Variants in TEX14 observed in about 807,000 individuals in gnomAD.
TEX14 encodes testis expressed 14, intercellular bridge forming factor.
TEX14 carries 168 observed loss-of-function variants against 178.6 expected under a neutral mutation model. The ratio of observed to expected loss-of-function variants is 0.94; its 90% CI spans 0.83 to 1.07. The LOEUF (loss-of-function observed/expected upper bound fraction) is 1.07, where lower values mean the gene tolerates loss of function less well. Among genes scored for constraint, TEX14 ranks in the 50% least tolerant of loss-of-function variants. The pLI is 0.00. For synonymous variants in TEX14, 626 were observed against 634.1 expected (o/e 0.99, Z 0.19); for missense variants, 1,730 against 1,753.6 (o/e 0.99, Z 0.24).
chr17:58,658,803 T>C (rs1305803625), intron 1 of TEX14, among the ~76,000 whole-genome samples: 1 of 152,134 alleles, frequency 6.6e-6, no homozygotes, highest in African/African-American at 2.4e-5. Flanking sequence ...CCAGGAATTT[T>C]TTTTTTTTAC....
Position 58,599,571 on chromosome 17 carries a change from G to A in TEX14, c.1774C>T (p.Gln592Ter). Residue 592 changes from glutamine (Q) to a stop codon, truncating the protein, a stop_gained, in exon 14 of 32, where the codon CAG becomes TAG. Transcript: ENST00000349033. LOFTEE classifies it high-confidence loss of function. ...PDPCLMARET[Q>*]NQDAPCPAPF... is the part of the protein sequence containing the mutation. ...GCAGGGCAAGGAGCATCTTGATTCT[G>A]AGTCTCCCTGGCCATCAGACATGGA... 2.5e-6 allele frequency: 4 copies of A among 1,614,032 alleles called. No individual in the cohort carries two copies. Among genetic ancestry groups the A allele is most frequent in the Non-Finnish European group, 3.4e-6 (4 of 1,180,010 alleles).
Position 58,611,210 on chromosome 17 carries a change from T to A in TEX14, c.1135A>T (p.Ile379Phe). The A allele has an allele frequency of 1.2e-6, 2 of 1,613,926 alleles. No individual in the cohort carries two copies. Among genetic ancestry groups the A allele is most frequent in the Non-Finnish European group, 1.7e-6 (2 of 1,179,926 alleles). ...GTCAGCCTCGCTTCACCTGGGGAGA[T>A]GATATGGACAGCATAGGAGCTGAGG... ...RSLSSYAVHIISPGEARLTNL... is the reference protein window; with the variant it reads ...RSLSSYAVHIFSPGEARLTNL... Residue 379 changes from isoleucine to phenylalanine, a missense_variant, in exon 10 of 32, where the codon ATC becomes TTC. This residue lies in a region of TEX14 where 789 missense variants were observed against 681.2 expected (regional missense o/e 1.16). Transcript: ENST00000349033.
chr17:58,569,122 GAC>G lies in TEX14; in HGVS notation c.3886+68_3886+69del. ...TACTAGTGTTCACACTTGAGACAAA[GAC>G]ACCATACTGTGGTCAGTGACATAAC... On this transcript the variant is annotated intron_variant, in intron 26 of 31. Coordinates refer to ENST00000349033, the MANE Select transcript of TEX14 (RefSeq NM_031272.5). The surrounding 1 kb of genome is among the most constrained non-coding windows in gnomAD (Gnocchi z 4.1). The G allele has an allele frequency of 7.8e-7, 1 of 1,286,620 alleles. No individual in the cohort carries two copies. The highest frequency in any genetic ancestry group is 1.1e-6 in the Non-Finnish European group (1 of 895,490). 79.7% of individuals were successfully genotyped at this position (1,286,620 alleles called of 1,614,324 possible).
At chr17:58,650,203 G>A (rs937263632) in intron 2 of TEX14, among the ~76,000 whole-genome samples, 1 of 151,064 alleles carries the variant, frequency 6.6e-6, no homozygotes, top group Admixed American at 6.6e-5. Flanking sequence ...GATTACAGGC[G>A]CCTGCCACCA....
Position 58,585,997 on chromosome 17 carries a change from C to T in TEX14, c.2874G>A (p.Glu958=), listed in dbSNP as rs1288390336. The T allele has an allele frequency of 6.2e-7, 1 of 1,614,022 alleles. No individual in the cohort carries two copies. Among genetic ancestry groups the T allele is most frequent in the African/African-American group, 1.3e-5 (1 of 74,898 alleles). Residue 958 remains glutamate, a synonymous_variant, in exon 18 of 32, where the codon GAG becomes GAA. Transcript: ENST00000349033. ...PWHPQSSLTL[E]SEAENEPDAL... Reference sequence around the variant, plus strand: ...CGTCGGGCTCATTTTCAGCCTCGCTCTCTAAAGTCAGACTACTCTGAGGAT... The same window carrying T: ...CGTCGGGCTCATTTTCAGCCTCGCTTTCTAAAGTCAGACTACTCTGAGGAT...
At chr17:58,562,589 C>G (rs926981379) in intron 28 of TEX14, among the ~76,000 whole-genome samples, 5 of 152,144 alleles carry the variant, frequency 3.3e-5, no homozygotes, top group Admixed American at 2.6e-4. Flanking sequence ...ACTGCAACCT[C>G]TGCCTCCCAG....
intron 1 of TEX14, among the ~76,000 whole-genome samples, chr17:58,656,475 G>T (rs966072052): frequency 6.6e-6 from 1 of 151,564 alleles, no homozygotes; most frequent in African/African-American, 2.4e-5. Context: ...AAACCAAAAG[G>T]CTGGGCACAG....
chr17:58,663,615 C>T (rs1300642984), intron 1 of TEX14, among the ~76,000 whole-genome samples: 1 of 151,890 alleles, frequency 6.6e-6, no homozygotes, highest in Non-Finnish European at 1.5e-5. Flanking sequence ...TACAGGGATG[C>T]ACCACCACGC....
Position 58,687,233 on chromosome 17 carries a change from A to G in TEX14, c.-2+4706T>C, listed in dbSNP as rs1168659273. Among the ~76,000 whole-genome samples the G allele has an allele frequency of 2.6e-5, 4 of 152,050 alleles. No individual in the cohort carries two copies. In the South Asian group the frequency reaches 6.2e-4, roughly 24 times the overall value. ...CGACATCTAGAGAATGCGGTCTTGC[A>G]AGCCTACTCTGGACTCAGCAGCTGA... On this transcript the variant is annotated intron_variant, in intron 1 of 31. Transcript: ENST00000349033.
chr17:58,632,916 A>G (rs566310286), intron 2 of TEX14, among the ~76,000 whole-genome samples: 5 of 152,126 alleles, frequency 3.3e-5, no homozygotes, highest in Non-Finnish European at 7.3e-5. Flanking sequence ...CAGACACCCA[A>G]TCTTGCAAGA....
intron 19 of TEX14, among the ~76,000 whole-genome samples, chr17:58,581,088 G>A (rs549523677): frequency 3.3e-5 from 5 of 152,236 alleles, no homozygotes; most frequent in Middle Eastern, 3.4e-3. Flanking sequence ...CGAGGCGGGC[G>A]GATCACGAGT....
At chr17:58,653,070 G>A (rs1291598358) in intron 1 of TEX14, among the ~76,000 whole-genome samples, 1 of 152,058 alleles carries the variant, frequency 6.6e-6, no homozygotes, top group Non-Finnish European at 1.5e-5. Context: ...CCGAGTAGTT[G>A]GGACTACAGG....
chr17:58,630,359 C>T (rs998948856), intron 3 of TEX14, 81 bp downstream of exon 3: 31 of 1,146,754 alleles, frequency 2.7e-5, no homozygotes, highest in Admixed American at 2.2e-4. Flanking sequence ...CCCGGCCAAA[C>T]GTTTTTCTAA....
At chr17:58,563,691 AGAGAGAGAGAGC>A (rs1215300083) in intron 28 of TEX14, among the ~76,000 whole-genome samples, 9,375 of 55,260 alleles carry the variant, frequency 0.17, 929 homozygotes, top group East Asian at 0.26. Flanking sequence ...AGAGAGAGAG[AGAGAGAGAGAGC>A]GCAAGATCAT....
chr17:58,678,461 G>A (rs1005301089), intron 1 of TEX14, among the ~76,000 whole-genome samples: 1 of 152,092 alleles, frequency 6.6e-6, no homozygotes, highest in Non-Finnish European at 1.5e-5. Context: ...TTAAGAAAAC[G>A]TGGCACATAT....
At chr17:58,677,863 C>G (rs1280349060) in intron 1 of TEX14, 1 of 152,272 alleles carries the variant, frequency 6.6e-6, no homozygotes, top group Non-Finnish European at 1.5e-5. Flanking sequence ...GTTTAAGAGC[C>G]AGAAATGGCT....
chr17:58,568,269 CA>C (rs2044445402), intron 26 of TEX14, among the ~76,000 whole-genome samples: 1 of 152,108 alleles, frequency 6.6e-6, no homozygotes, highest in South Asian at 2.1e-4. Flanking sequence ...AGAAAGAAAC[CA>C]AGGAAGGTCT....
At chr17:58,634,404 C>T (rs964825309) in intron 2 of TEX14, among the ~76,000 whole-genome samples, 11 of 152,110 alleles carry the variant, frequency 7.2e-5, no homozygotes, top group Non-Finnish European at 1.3e-4. Flanking sequence ...CAGAGTGAGA[C>T]TCTGTCTCAA....
intron 1 of TEX14, among the ~76,000 whole-genome samples, chr17:58,668,083 C>A (rs567588717): frequency 6.6e-6 from 1 of 152,032 alleles, no homozygotes; most frequent in East Asian, 1.9e-4. Flanking sequence ...TGCACCACCC[C>A]CCAGGTGATA....
Sources: gnomAD v4.1 joint callset for allele counts (sites outside exome capture counted in the v4.1 genomes callset) on GRCh38, gnomAD v4.1.1 for gene constraint, gnomAD v4.1.1 regional missense constraint, Gnocchi (gnomAD v3.1) non-coding constraint, MANE v1.5 for transcripts, NCBI Gene and HGNC (gene_info 2026-07-23, HGNC 2026-07-21) for gene names.